The following SMAP1 variants were observed in gnomAD, a reference collection of about 807,000 sequenced individuals.
SMAP1 encodes stromal membrane-associated protein 1.
SMAP1 carries 24 observed loss-of-function variants against 58.5 expected under a neutral mutation model. The observed-to-expected ratio is 0.41, with a 90% CI of 0.30 to 0.58. SMAP1 has a LOEUF of 0.58. Among genes scored for constraint, SMAP1 ranks in the 20% least tolerant of loss-of-function variants. The pLI, the probability that SMAP1 is intolerant of heterozygous loss-of-function variation, is 0.29. For missense variants in SMAP1, 563 were observed against 566.3 expected, an observed-to-expected ratio of 0.99 and a Z score of 0.06; for synonymous variants, 216 against 196.6, an observed-to-expected ratio of 1.10 and a Z score of -0.82.
In SMAP1 at chr6:70,732,252, T is replaced by A. The variant is rs144252986; in HGVS notation, c.119-126T>A. ...ACTGCCGCCAGTACCATTTGAAAAT[T>A]TGAGCATGTGACTTCTGTAAGCTTC... On this transcript the variant is annotated intron_variant, in intron 1 of 10. Coordinates refer to ENST00000370455, the MANE Select transcript of SMAP1 (RefSeq NM_001044305.3). 1,151 of 997,170 alleles carry A rather than the reference T, an allele frequency of 1.2e-3. 8 individuals are homozygous for A. The African/African-American group carries it at 0.018, about 15-fold the overall frequency. The allele number at this position is 997,170 out of a possible 1,614,324, so 61.8% of individuals were successfully genotyped here.
At chr6:70,764,261 A>G (rs899773461) in intron 3 of SMAP1, among the ~76,000 whole-genome samples, 6 of 152,200 alleles carry the variant, frequency 3.9e-5, no homozygotes, top group African/African-American at 4.8e-5. Flanking sequence ...ATAAAAATCA[A>G]GATGAAAGAG....
chr6:70,780,403 C>T (rs537487350), intron 4 of SMAP1, among the ~76,000 whole-genome samples: 1 of 152,202 alleles, frequency 6.6e-6, no homozygotes, highest in Admixed American at 6.5e-5. Context: ...TGGCAAGACC[C>T]TGTCTCTACA....
chr6:70,812,746 A>C (rs753602653), intron 6 of SMAP1, among the ~76,000 whole-genome samples: 1 of 152,148 alleles, frequency 6.6e-6, no homozygotes, highest in Admixed American at 6.6e-5. Flanking sequence ...GTTTTCACCT[A>C]TCATTTCATT....
Position 70,682,170 on chromosome 6 carries a change from A to ATTTT in SMAP1, c.118+14062_118+14065dup, listed in dbSNP as rs66981900. 1.8e-4 allele frequency among the ~76,000 whole-genome samples: 17 copies of ATTTT among 95,918 alleles called. 1 individual carries two copies. Among genetic ancestry groups the ATTTT allele is most frequent in the South Asian group, 3.5e-4 (1 of 2,824 alleles). The allele number at this position is 95,918 out of a possible 152,430, so 62.9% of individuals were successfully genotyped here. A position where few individuals can be genotyped will look rare whatever the true frequency, so the allele number is the denominator to read the frequency against. ...GGATTTAAGGTTATTCTCTGCACAG[A>ATTTT]TTTTTTTTTTTTTTTTTTTTTTTTT... is the stretch of plus-strand genomic sequence containing the variant. On this transcript the variant is annotated intron_variant, in intron 1 of 10. Transcript: ENST00000370455.
chr6:70,855,614 A>T (rs761526172), intron 8 of SMAP1, among the ~76,000 whole-genome samples: 1 of 152,208 alleles, frequency 6.6e-6, no homozygotes, highest in Non-Finnish European at 1.5e-5. Flanking sequence ...ACTTAATCCA[A>T]CCATTGTGCA....
intron 1 of SMAP1, among the ~76,000 whole-genome samples, chr6:70,680,592 GAAT>G: frequency 6.6e-6 from 1 of 151,584 alleles, no homozygotes; most frequent in African/African-American, 2.4e-5. Flanking sequence ...CCGTACAGTG[GAAT>G]AATGTTTTAC....
At chr6:70,681,284 T>C (rs1766700649) in intron 1 of SMAP1, among the ~76,000 whole-genome samples, 1 of 151,656 alleles carries the variant, frequency 6.6e-6, no homozygotes, top group Non-Finnish European at 1.5e-5. Context: ...TAAAAAAAAA[T>C]AGCTGGGTGT....
intron 6 of SMAP1, among the ~76,000 whole-genome samples, chr6:70,799,354 CA>C (rs1348012911): frequency 3.3e-5 from 5 of 152,080 alleles, no homozygotes; most frequent in Non-Finnish European, 5.9e-5. Flanking sequence ...TTCTAAAGCA[CA>C]TGGTACTCCT....
chr6:70,772,451 T>C (rs1353449071), intron 3 of SMAP1, among the ~76,000 whole-genome samples: 1 of 152,162 alleles, frequency 6.6e-6, no homozygotes, highest in Non-Finnish European at 1.5e-5. Flanking sequence ...TTTCTGTAAT[T>C]ATGTGTGTTT....
At chr6:70,740,033 G>A (rs948776506) in intron 2 of SMAP1, among the ~76,000 whole-genome samples, 2 of 151,912 alleles carry the variant, frequency 1.3e-5, no homozygotes, top group Non-Finnish European at 2.9e-5. Flanking sequence ...GAAGTAGTAG[G>A]TTACAGTTTT....
intron 7 of SMAP1, among the ~76,000 whole-genome samples, chr6:70,846,771 T>C (rs1437087789): frequency 6.6e-6 from 1 of 152,140 alleles, no homozygotes; most frequent in African/African-American, 2.4e-5. Context: ...ATGTAAATCA[T>C]TGTAACTCTG....
At chr6:70,679,479 G>A (rs1331307133) in intron 1 of SMAP1, among the ~76,000 whole-genome samples, 1 of 152,114 alleles carries the variant, frequency 6.6e-6, no homozygotes, top group Non-Finnish European at 1.5e-5. Flanking sequence ...ATTTATGTAG[G>A]AAATCCCAAG....
rs1268557446 is a variant in SMAP1 at position 70,856,664 on chromosome 6, TAAG to T, written c.790-191_790-189del. The T allele has an allele frequency of 6.7e-6, 3 of 449,250 alleles. No homozygotes were observed. In the East Asian group the frequency reaches 1.0e-4, roughly 15 times the overall value. The allele number at this position is 449,250 out of a possible 1,614,324, so 27.8% of individuals were successfully genotyped here. On this transcript the variant is annotated intron_variant, in intron 8 of 10. Transcript: ENST00000370455. ...TCTACCTACATTAACAGATTCAAAT[TAAG>T]AAGTACTGTCTTGATTGTAGATGTT... is the stretch of plus-strand genomic sequence containing the variant.
At chr6:70,738,955 G>A (rs1012550854) in intron 2 of SMAP1, among the ~76,000 whole-genome samples, 1 of 152,138 alleles carries the variant, frequency 6.6e-6, no homozygotes, top group African/African-American at 2.4e-5. Flanking sequence ...AATAAATTTT[G>A]TTATTTAGAA....
chr6:70,675,384 T>C (rs1438963397), intron 1 of SMAP1, among the ~76,000 whole-genome samples: 1 of 151,490 alleles, frequency 6.6e-6, no homozygotes, highest in Admixed American at 6.6e-5. Context: ...GGAGCAGTGG[T>C]GTACACCTGT....
At chr6:70,670,920 A>G (rs1390417152) in intron 1 of SMAP1, among the ~76,000 whole-genome samples, 5 of 152,226 alleles carry the variant, frequency 3.3e-5, no homozygotes. Context: ...GGAGAAAAGG[A>G]TGGCATAGGC....
At chr6:70,716,363 A>G (rs1372463989) in intron 1 of SMAP1, among the ~76,000 whole-genome samples, 1 of 152,156 alleles carries the variant, frequency 6.6e-6, no homozygotes, top group African/African-American at 2.4e-5. Context: ...TGTGCAGTTC[A>G]CAACAGAGTT....
intron 1 of SMAP1, among the ~76,000 whole-genome samples, chr6:70,730,884 C>T (rs1765406866): frequency 6.6e-6 from 1 of 152,236 alleles, no homozygotes; most frequent in South Asian, 2.1e-4. Context: ...ACTGCAATCT[C>T]TGCCTCTGAG....
chr6:70,669,698 G>A (rs1766185380), intron 1 of SMAP1, among the ~76,000 whole-genome samples: 1 of 152,162 alleles, frequency 6.6e-6, no homozygotes, highest in African/African-American at 2.4e-5. Context: ...AGAAGCTGAA[G>A]CTAAATAGTA....
Sources: gnomAD v4.1 joint callset for allele counts (sites outside exome capture counted in the v4.1 genomes callset) on GRCh38, gnomAD v4.1.1 for gene constraint, MANE v1.5 for transcripts, NCBI Gene and HGNC (gene_info 2026-07-23, HGNC 2026-07-21) for gene names.